BTG4: variants seen among roughly 807,000 people sequenced by gnomAD.
BTG4 encodes protein BTG4.
Under a neutral mutation model 19.3 loss-of-function variants are expected in BTG4, and 10 were observed. The ratio of observed to expected loss-of-function variants is 0.52; its 90% CI spans 0.32 to 0.88. The LOEUF (loss-of-function observed/expected upper bound fraction) is 0.88. Among genes scored for constraint, BTG4 ranks in the 40% least tolerant of loss-of-function variants. The probability of loss-of-function intolerance (pLI) is 0.04; values close to 1 mark genes in which losing one functional copy is unlikely to be tolerated. For synonymous variants in BTG4, 91 were observed against 95.7 expected (o/e 0.95, Z 0.29); for missense variants, 238 against 281.9 (o/e 0.84, Z 1.11).
the BTG4 span, among the ~76,000 whole-genome samples, chr11:111,398,285 C>T: frequency 1.3e-5 from 2 of 152,184 alleles, no homozygotes; most frequent in East Asian, 3.8e-4. Flanking sequence ...GAGGACACCC[C>T]TGCCTTCCAA....
intron 1 of BTG4, among the ~76,000 whole-genome samples, chr11:111,501,135 G>A (rs1440438381): frequency 6.6e-6 from 1 of 151,986 alleles, no homozygotes; most frequent in African/African-American, 2.4e-5. Context: ...TTGGTCCCAG[G>A]CGAAAGGATC....
At chr11:111,504,094 G>A (rs541258849) in intron 1 of BTG4, among the ~76,000 whole-genome samples, 35 of 152,034 alleles carry the variant, frequency 2.3e-4, no homozygotes, top group African/African-American at 7.5e-4. Flanking sequence ...AGTTATATCC[G>A]TAGTCTCACC....
At chr11:111,455,989 G>T in the BTG4 span, 1 of 340,434 alleles carries the variant, frequency 2.9e-6, no homozygotes, top group South Asian at 2.2e-5. Flanking sequence ...AGCAGGGGAG[G>T]AGAGGTAGAA....
the BTG4 span, among the ~76,000 whole-genome samples, chr11:111,426,324 A>G: frequency 6.6e-6 from 1 of 152,128 alleles, no homozygotes; most frequent in African/African-American, 2.4e-5. Context: ...GTATCTACAC[A>G]TTGTATAGAT....
At chr11:111,514,677 G>T (rs1376369456), upstream of BTG4, 1 of 861,408 alleles carries the variant, frequency 1.2e-6, no homozygotes, top group East Asian at 2.7e-5. Flanking sequence ...CTAGGAAACC[G>T]AGGGCAGCCG....
At chr11:111,484,192 C>T (rs1035876414) in intron 5 of BTG4, among the ~76,000 whole-genome samples, 1 of 151,960 alleles carries the variant, frequency 6.6e-6, no homozygotes, top group African/African-American at 2.4e-5. Flanking sequence ...TTCACCAACA[C>T]CAGACCCACC....
chr11:111,435,317 G>C, the BTG4 span, among the ~76,000 whole-genome samples: 104,448 of 151,820 alleles, frequency 0.69, 36,495 homozygotes, highest in Admixed American at 0.8. Context: ...GGGGTAGTGA[G>C]AGAGAATCCA....
chr11:111,416,124 G>T, the BTG4 span: 1 of 152,190 alleles, frequency 6.6e-6, no homozygotes, highest in Admixed American at 6.5e-5. Flanking sequence ...ATTCTGGGCA[G>T]CCTAAGGTGT....
the BTG4 span, among the ~76,000 whole-genome samples, chr11:111,393,181 T>C: frequency 6.6e-6 from 1 of 152,236 alleles, no homozygotes; most frequent in Non-Finnish European, 1.5e-5. Flanking sequence ...AAATCCACTG[T>C]TATCATGGAT....
intron 5 of BTG4, among the ~76,000 whole-genome samples, chr11:111,473,041 T>C (rs1864167271): frequency 6.6e-6 from 1 of 151,866 alleles, no homozygotes; most frequent in Non-Finnish European, 1.5e-5. Context: ...AAGCCACTCT[T>C]ATTCCTAACT....
the BTG4 span, among the ~76,000 whole-genome samples, chr11:111,437,955 G>A: frequency 2.6e-5 from 4 of 152,210 alleles, no homozygotes; most frequent in African/African-American, 9.6e-5. Context: ...ACCCCAGCCA[G>A]GCCCATAGCC....
the BTG4 span, among the ~76,000 whole-genome samples, chr11:111,389,789 A>T: frequency 3.9e-5 from 6 of 152,138 alleles, no homozygotes; most frequent in South Asian, 1.2e-3. Context: ...TTTTTCTTTT[A>T]AAAAAACTCT....
chr11:111,514,664 T>C (rs1465723311), upstream of BTG4: 4 of 734,944 alleles, frequency 5.4e-6, no homozygotes, highest in Non-Finnish European at 8.7e-6. Context: ...TCCCAACACC[T>C]ACCTAGGAAA....
At chr11:111,419,013 T>C in the BTG4 span, among the ~76,000 whole-genome samples, 45,950 of 152,116 alleles carry the variant, frequency 0.3, 7,405 homozygotes, top group South Asian at 0.52. Context: ...TCTCTTTGTC[T>C]TCATATGGTC....
At chr11:111,478,679 C>T (rs772000951) in intron 5 of BTG4, among the ~76,000 whole-genome samples, 3 of 151,998 alleles carry the variant, frequency 2.0e-5, no homozygotes, top group Admixed American at 6.6e-5. Context: ...GAAGACAGAA[C>T]TAAATGAACG....
the BTG4 span, among the ~76,000 whole-genome samples, chr11:111,407,660 G>T: frequency 6.6e-6 from 1 of 152,268 alleles, no homozygotes; most frequent in South Asian, 2.1e-4. Flanking sequence ...GACAGAGCGA[G>T]ACTCCATCAA....
the BTG4 span, among the ~76,000 whole-genome samples, chr11:111,435,995 C>G: frequency 6.6e-6 from 1 of 152,242 alleles, no homozygotes; most frequent in Non-Finnish European, 1.5e-5. Context: ...AGCAAATACC[C>G]AGAGCCACAA....
chr11:111,423,947 C>T, the BTG4 span, among the ~76,000 whole-genome samples: 1 of 152,118 alleles, frequency 6.6e-6, no homozygotes, highest in Non-Finnish European at 1.5e-5. Flanking sequence ...ACCTCTCCCT[C>T]CCCAGGTGCT....
the BTG4 span, among the ~76,000 whole-genome samples, chr11:111,420,625 G>A: frequency 6.6e-6 from 1 of 152,198 alleles, no homozygotes; most frequent in Non-Finnish European, 1.5e-5. Context: ...CCTGTAATGG[G>A]TAAGAACAAG....
Sources: allele counts gnomAD v4.1 joint callset (sites outside exome capture counted in the v4.1 genomes callset), GRCh38; gene constraint gnomAD v4.1.1; transcripts MANE v1.5; gene names NCBI Gene and HGNC (gene_info 2026-07-23, HGNC 2026-07-21).